The following MAD1L1 variants were observed in gnomAD, a reference collection of about 807,000 sequenced individuals.
MAD1L1 encodes mitotic spindle assembly checkpoint protein MAD1.
In MAD1L1, 95 loss-of-function variants were observed where a neutral mutation model predicts 96.9. The ratio of observed to expected loss-of-function variants is 0.98; its 90% CI spans 0.83 to 1.16. The LOEUF is 1.16. MAD1L1 is among the 50% of genes most tolerant of loss of function. MAD1L1 has a pLI of 0.00. For synonymous variants in MAD1L1, 473 were observed against 396.6 expected, an observed-to-expected ratio of 1.19 and a Z score of -2.29; for missense variants, 1,007 against 954.4, an observed-to-expected ratio of 1.06 and a Z score of -0.73.
intron 18 of MAD1L1, among the ~76,000 whole-genome samples, chr7:1,878,516 G>C (rs1344502370): frequency 4.0e-5 from 6 of 151,256 alleles, no homozygotes; most frequent in Non-Finnish European, 7.4e-5. Context: ...AAATCAACCA[G>C]TATTACTTAC....
At chr7:1,927,043 A>G (rs894700911) in intron 17 of MAD1L1, among the ~76,000 whole-genome samples, 1 of 152,114 alleles carries the variant, frequency 6.6e-6, no homozygotes, top group African/African-American at 2.4e-5. Flanking sequence ...ATGGGTTACA[A>G]AGCCAGCATA....
chr7:2,017,807 C>T (rs1782611472), intron 12 of MAD1L1, among the ~76,000 whole-genome samples: 1 of 152,164 alleles, frequency 6.6e-6, no homozygotes, highest in Non-Finnish European at 1.5e-5. Flanking sequence ...CCCAAAGAGG[C>T]TGAGAACGCC....
intron 14 of MAD1L1, among the ~76,000 whole-genome samples, chr7:1,990,129 G>T (rs1010551266): frequency 6.6e-6 from 1 of 152,214 alleles, no homozygotes; most frequent in Non-Finnish European, 1.5e-5. Context: ...CCGCCTCATC[G>T]CCAACTCACG....
intron 11 of MAD1L1, among the ~76,000 whole-genome samples, chr7:2,073,553 C>T (rs567207374): frequency 3.3e-4 from 51 of 152,326 alleles, no homozygotes; most frequent in Non-Finnish European, 5.6e-4. Context: ...GCTGGCTCCC[C>T]GAATACGCCT....
chr7:2,122,818 G>A (rs1788042445), intron 11 of MAD1L1, among the ~76,000 whole-genome samples: 1 of 152,228 alleles, frequency 6.6e-6, no homozygotes, highest in Non-Finnish European at 1.5e-5. Context: ...GGAAGTCAAG[G>A]CGCAGGATCT....
intron 10 of MAD1L1, among the ~76,000 whole-genome samples, chr7:2,172,417 C>T (rs1263838577): frequency 2.0e-5 from 3 of 152,216 alleles, no homozygotes; most frequent in Non-Finnish European, 4.4e-5. Context: ...GGGCCCAGGG[C>T]CCAGCAGCAG....
At chr7:2,094,146 G>A (rs1786355006) in intron 11 of MAD1L1, among the ~76,000 whole-genome samples, 1 of 152,212 alleles carries the variant, frequency 6.6e-6, no homozygotes, top group Non-Finnish European at 1.5e-5. Flanking sequence ...CTGAGCTGCT[G>A]GGAACAGGTG....
At position 2,014,584 on chromosome 7, in the gene MAD1L1, T is replaced by C. The variant is rs1296265005; in HGVS notation, c.1277A>G (p.Glu426Gly). The change falls in exon 13 of 19, where the codon GAG (glutamate) becomes GGG (glycine). Residue 426 changes from glutamate to glycine, a missense_variant. By Grantham distance (98) the Glu-to-Gly change is moderately conservative. Transcript: ENST00000265854. The part of the protein sequence containing the change: ...GSYDSELTPA[E>G]YSPQLTRRMR... ...GCGCCGCGTCAGCTGGGGTGAGTAC[T>C]CGGCCGGGGTCAGCTCGCTGTCGTA... is the stretch of plus-strand genomic sequence containing the variant. 3 of 1,612,280 alleles carry C rather than the reference T, an allele frequency of 1.9e-6. No individual in the cohort carries two copies. Among genetic ancestry groups the C allele is most frequent in the African/African-American group, 2.7e-5 (2 of 74,930 alleles).
chr7:2,175,999 A>C (rs1790930539), intron 10 of MAD1L1, among the ~76,000 whole-genome samples: 1 of 152,252 alleles, frequency 6.6e-6, no homozygotes, highest in East Asian at 1.9e-4. Flanking sequence ...GCAGGAAAAA[A>C]GGACTATCAT....
chr7:2,062,077 C>A (rs1424591734), intron 12 of MAD1L1, among the ~76,000 whole-genome samples: 3 of 149,944 alleles, frequency 2.0e-5, no homozygotes, highest in Admixed American at 6.6e-5. Context: ...CCCGTCTCTA[C>A]AAAAATACAA....
In MAD1L1 at chr7:2,014,619, G is replaced by A. The variant is rs1050501409; in HGVS notation, c.1242C>T (p.Ile414=). ...LTKERDGMRA[I]LGSYDSELTP... ...TCAGCTCGCTGTCGTAGGACCCCAG[G>A]ATGGCCCGCATACCGTCCCGCTCCT... Residue 414 remains isoleucine, a synonymous_variant, in exon 13 of 19, where the codon ATC becomes ATT. Coordinates refer to ENST00000265854, the MANE Select transcript of MAD1L1 (RefSeq NM_001013836.2). 5.0e-6 allele frequency: 8 copies of A among 1,612,014 alleles called. No individual in the cohort carries two copies. The highest frequency in any genetic ancestry group is 4.0e-5 in the African/African-American group (3 of 74,924).
At chr7:1,903,906 T>C (rs930401740) in intron 17 of MAD1L1, among the ~76,000 whole-genome samples, 5 of 123,860 alleles carry the variant, frequency 4.0e-5, no homozygotes, top group Admixed American at 8.6e-5. Flanking sequence ...GAACTCATGA[T>C]TGATCAAGCA....
chr7:1,884,155 G>A (rs1179222006), intron 18 of MAD1L1, among the ~76,000 whole-genome samples: 1 of 152,236 alleles, frequency 6.6e-6, no homozygotes, highest in Non-Finnish European at 1.5e-5. Context: ...TTGGGGCAGG[G>A]CCAGTGGCCA....
intron 14 of MAD1L1, among the ~76,000 whole-genome samples, chr7:1,986,077 T>C (rs183368153): frequency 6.6e-6 from 1 of 152,348 alleles, no homozygotes; most frequent in Admixed American, 6.5e-5. Context: ...AAGATGAGTT[T>C]TATTGAATCC....
chr7:1,898,377 C>T lies in MAD1L1; in HGVS notation c.1821G>A (p.Gln607=), dbSNP rs1426140000. The T allele has an allele frequency of 6.2e-7, 1 of 1,613,924 alleles. No individual in the cohort carries two copies. The highest frequency in any genetic ancestry group is 1.1e-5 in the South Asian group (1 of 91,074). ...GGTTCTTCAGCTCGGCACTCTCCACCTGCTTCTTCAGCTCTGCGGGAGGGA... is the reference window on the plus strand; with the variant it reads ...GGTTCTTCAGCTCGGCACTCTCCACTTGCTTCTTCAGCTCTGCGGGAGGGA... ...SSKEVAELKK[Q]VESAELKNQR... is the part of the protein sequence containing the mutation. The change falls in exon 18 of 19, where the codon CAG becomes CAA. Residue 607 remains glutamine (Q), a synonymous_variant. Transcript: ENST00000265854.
At chr7:2,040,717 TC>T (rs535462017) in intron 12 of MAD1L1, among the ~76,000 whole-genome samples, 129 of 152,308 alleles carry the variant, frequency 8.5e-4, no homozygotes, top group African/African-American at 3.0e-3. Context: ...CCTGGGCAGC[TC>T]CCCGCCAGGC....
rs116831023 is a variant in MAD1L1 at position 1,902,633 on chromosome 7, A to G, written c.1808-4243T>C. On this transcript the variant is annotated intron_variant, in intron 17 of 18. Transcript: ENST00000265854. ...CTTCCCCGGGGCCTGAGCTATACCC[A>G]CGCAGAACCAGGTCGGCCGGGCTAC... 8.3e-3 allele frequency among the ~76,000 whole-genome samples: 1,261 copies of G among 152,210 alleles called. 15 individuals carry two copies. Among genetic ancestry groups the G allele is most frequent in the African/African-American group, 0.029 (1,207 of 41,498 alleles).
At chr7:1,887,931 G>A (rs1342334426) in intron 18 of MAD1L1, among the ~76,000 whole-genome samples, 8 of 150,936 alleles carry the variant, frequency 5.3e-5, no homozygotes, top group South Asian at 4.2e-4. Context: ...GCGGCTGCCT[G>A]TGCACGTGTG....
intron 10 of MAD1L1, among the ~76,000 whole-genome samples, chr7:2,152,145 C>A (rs1422503188): frequency 1.3e-5 from 2 of 152,238 alleles, no homozygotes; most frequent in Non-Finnish European, 2.9e-5. Context: ...GGCGGATGGT[C>A]CCACACAGAC....
Sources: gnomAD v4.1 joint callset for allele counts (sites outside exome capture counted in the v4.1 genomes callset) on GRCh38, gnomAD v4.1.1 for gene constraint, MANE v1.5 for transcripts, NCBI Gene and HGNC (gene_info 2026-07-23, HGNC 2026-07-21) for gene names.